KCND3: variants seen among roughly 807,000 people sequenced by gnomAD.
The protein encoded by KCND3 is A-type voltage-gated potassium channel KCND3.
A neutral mutation model predicts 51.1 loss-of-function variants in KCND3; 9 were observed. The ratio of observed to expected loss-of-function variants is 0.18; its 90% CI spans 0.11 to 0.31. KCND3 has a LOEUF of 0.31. KCND3 is among the 10% of genes least tolerant of loss of function. KCND3 has a pLI of 1.00. For synonymous variants in KCND3, 349 were observed against 368.0 expected, an observed-to-expected ratio of 0.95 and a Z score of 0.59; for missense variants, 526 against 903.8, an observed-to-expected ratio of 0.58 and a Z score of 5.36.
intron 2 of KCND3, among the ~76,000 whole-genome samples, chr1:111,845,920 C>T (rs1452733002): frequency 6.6e-6 from 1 of 152,148 alleles, no homozygotes; most frequent in East Asian, 1.9e-4. Context: ...TCCCCCTGCA[C>T]CACCATATCC....
chr1:111,968,177 A>AT (rs1436124206), intron 2 of KCND3, among the ~76,000 whole-genome samples: 7 of 152,254 alleles, frequency 4.6e-5, no homozygotes, highest in South Asian at 2.1e-4. Flanking sequence ...GGGCTGCAGA[A>AT]TTTTTTTATT....
intron 2 of KCND3, among the ~76,000 whole-genome samples, chr1:111,938,552 A>G (rs1672329067): frequency 6.6e-6 from 1 of 152,162 alleles, no homozygotes; most frequent in South Asian, 2.1e-4. Context: ...GGGGATAGAG[A>G]CAGCGGCAGT....
At chr1:111,806,643 C>T (rs77716264) in intron 2 of KCND3, among the ~76,000 whole-genome samples, 66 of 152,270 alleles carry the variant, frequency 4.3e-4, no homozygotes, top group African/African-American at 1.5e-3. Context: ...ATTTAAAATG[C>T]TGGATGAAAT....
intron 2 of KCND3, among the ~76,000 whole-genome samples, chr1:111,905,987 G>T (rs570505673): frequency 6.6e-6 from 1 of 152,186 alleles, no homozygotes; most frequent in Admixed American, 6.5e-5. Flanking sequence ...CAGCAGTCTC[G>T]TAACTACCTG....
intron 2 of KCND3, among the ~76,000 whole-genome samples, chr1:111,806,092 G>C (rs915337366): frequency 6.6e-6 from 1 of 152,180 alleles, no homozygotes; most frequent in Non-Finnish European, 1.5e-5. Flanking sequence ...GAGCACCCCT[G>C]CTACGACACT....
In KCND3 at chr1:111,877,466, C is replaced by A. The variant is rs574101544; in HGVS notation, c.1107-90360G>T. On this transcript the variant is annotated intron_variant, in intron 2 of 7. Coordinates refer to ENST00000302127, the MANE Select transcript of KCND3 (RefSeq NM_001378969.1). ...ACCTTAAGTTGCCTGTAGGAGGGGA[C>A]TAGAGGGACCACTCACTTCCTACAT... Among the ~76,000 whole-genome samples, 6 of 152,268 alleles carry A rather than the reference C, an allele frequency of 3.9e-5. No homozygotes were observed. In the South Asian group the frequency reaches 1.2e-3, roughly 32 times the overall value.
At chr1:111,895,257 C>T (rs12080989) in intron 2 of KCND3, among the ~76,000 whole-genome samples, 26,148 of 149,654 alleles carry the variant, frequency 0.17, 2,477 homozygotes, top group African/African-American at 0.24. Context: ...AGCTGTGGGA[C>T]CAGGCTGTAG....
intron 2 of KCND3, among the ~76,000 whole-genome samples, chr1:111,949,738 C>T (rs1211629343): frequency 2.0e-5 from 3 of 151,718 alleles, no homozygotes; most frequent in African/African-American, 7.3e-5. Flanking sequence ...GATGAACTTT[C>T]ATTAATATTT....
At chr1:111,793,657 G>T (rs967213253) in intron 2 of KCND3, among the ~76,000 whole-genome samples, 3 of 152,154 alleles carry the variant, frequency 2.0e-5, no homozygotes, top group Non-Finnish European at 2.9e-5. Flanking sequence ...TGTAATGACC[G>T]TGGTGTGCAG....
chr1:111,868,974 C>T (rs1475489236), intron 2 of KCND3, among the ~76,000 whole-genome samples: 7 of 152,120 alleles, frequency 4.6e-5, no homozygotes, highest in Admixed American at 4.6e-4. Context: ...CTGGTTTCAT[C>T]CCAGAGTCAT....
At chr1:111,861,650 C>T (rs979665691) in intron 2 of KCND3, among the ~76,000 whole-genome samples, 1 of 152,146 alleles carries the variant, frequency 6.6e-6, no homozygotes, top group African/African-American at 2.4e-5. Flanking sequence ...CCTCTCCTTC[C>T]CCACTCCCTG....
intron 2 of KCND3, among the ~76,000 whole-genome samples, chr1:111,966,296 A>T (rs1217789081): frequency 6.6e-6 from 1 of 152,186 alleles, no homozygotes; most frequent in Non-Finnish European, 1.5e-5. Context: ...TTTTGCAGGG[A>T]ACTCATGTAA....
rs377237536 is a variant in KCND3, at chr1:111,780,190, C to T, written c.1461+35G>A. The T allele has an allele frequency of 5.1e-5, 78 of 1,542,018 alleles. No homozygotes were observed. Among genetic ancestry groups the T allele is most frequent in the Admixed American group, 9.7e-5 (5 of 51,786 alleles). ...AGCCTTAGAAAAGGGTCAGGGTCAGCGATGAAAAGGAGGTGGCAAAGGGCT... is the reference window on the plus strand; with the variant it reads ...AGCCTTAGAAAAGGGTCAGGGTCAGTGATGAAAAGGAGGTGGCAAAGGGCT... On this transcript the variant is annotated intron_variant, in intron 5 of 7. Transcript: ENST00000302127. The surrounding 1 kb of genome is among the most constrained non-coding windows in gnomAD (Gnocchi z 4.2).
At chr1:111,849,288 C>A (rs1349555762) in intron 2 of KCND3, among the ~76,000 whole-genome samples, 3 of 152,244 alleles carry the variant, frequency 2.0e-5, no homozygotes, top group Non-Finnish European at 4.4e-5. Context: ...AGGCTGTGAC[C>A]TGGCCAGCCA....
intron 2 of KCND3, among the ~76,000 whole-genome samples, chr1:111,804,152 T>C (rs983880859): frequency 6.6e-6 from 1 of 152,266 alleles, no homozygotes; most frequent in Non-Finnish European, 1.5e-5. Context: ...CAACCCCTGC[T>C]GCTGCCCAGC....
chr1:111,900,466 G>C (rs925656871), intron 2 of KCND3, among the ~76,000 whole-genome samples: 3 of 152,216 alleles, frequency 2.0e-5, no homozygotes, highest in Non-Finnish European at 4.4e-5. Context: ...AGTTTGCAGA[G>C]GGGCAGCACT....
intron 2 of KCND3, among the ~76,000 whole-genome samples, chr1:111,926,526 A>G (rs1671706296): frequency 6.6e-6 from 1 of 152,238 alleles, no homozygotes; most frequent in Non-Finnish European, 1.5e-5. Flanking sequence ...TGTCCCGTAG[A>G]AGGGTGCAAG....
intron 2 of KCND3, among the ~76,000 whole-genome samples, chr1:111,950,151 T>G (rs1371278371): frequency 6.6e-6 from 1 of 152,234 alleles, no homozygotes; most frequent in Non-Finnish European, 1.5e-5. Context: ...CCTCAGGTGA[T>G]CCACCTGCCT....
intron 2 of KCND3, among the ~76,000 whole-genome samples, chr1:111,951,157 CAAAAAAAAAAAAAA>C (rs71081206): frequency 6.5e-5 from 2 of 30,610 alleles, no homozygotes; most frequent in Admixed American, 3.0e-4. Context: ...CAAACAAGAG[CAAAAAAAAAAAAAA>C]AAAAAAAAAA....
Sources: allele counts gnomAD v4.1 joint callset (sites outside exome capture counted in the v4.1 genomes callset), GRCh38; gene constraint gnomAD v4.1.1; non-coding constraint Gnocchi (gnomAD v3.1); transcripts MANE v1.5; gene names NCBI Gene and HGNC (gene_info 2026-07-23, HGNC 2026-07-21).